TAC4: variants seen among roughly 807,000 people sequenced by gnomAD.
TAC4 encodes tachykinin precursor 4.
Under a neutral mutation model 17.7 loss-of-function variants are expected in TAC4, and 17 were observed. The observed-to-expected ratio is 0.96, with a 90% CI of 0.66 to 1.44. The LOEUF is 1.44. Ranked by LOEUF, TAC4 falls within the 40% of genes most tolerant of loss-of-function variation. The pLI is 0.00. For synonymous variants in TAC4, 62 were observed against 52.4 expected (o/e 1.18, Z -0.79); for missense variants, 118 against 125.6 (o/e 0.94, Z 0.29).
At position 49,844,072 on chromosome 17, in the gene TAC4, C is replaced by A. The variant is rs201147441; in HGVS notation, c.191G>T (p.Arg64Leu). 2 of 1,613,842 alleles carry A rather than the reference C, an allele frequency of 1.2e-6. No individual in the cohort carries two copies. Among genetic ancestry groups the A allele is most frequent in the East Asian group, 2.2e-5 (1 of 44,864 alleles). ...TTGTCATTGTCACTCACCTCCCACT[C>A]GCTTCCCCATCAGCCCAAAGAACTG... is the stretch of plus-strand genomic sequence containing the variant. ...ASQFFGLMGK[R>L]VGGRPLIQPR... The change falls in exon 2 of 5, where the codon CGA becomes CTA. Residue 64 changes from arginine to leucine, a missense_variant. By Grantham distance (102) the Arg-to-Leu change is moderately radical (BLOSUM62 -2). Coordinates refer to ENST00000436235, the MANE Select transcript of TAC4 (RefSeq NM_001077506.2).
rs1312404945 is a variant in TAC4 at position 49,847,914 on chromosome 17, C to T, written c.104G>A (p.Trp35Ter). 1 of 1,614,022 alleles carries T rather than the reference C, an allele frequency of 6.2e-7. No individual in the cohort carries two copies. Among genetic ancestry groups the T allele is most frequent in the South Asian group, 1.1e-5 (1 of 91,068 alleles). Residue 35 changes from tryptophan to a stop codon, truncating the protein, a stop_gained and splice_region_variant, in exon 1 of 5, where the codon TGG (tryptophan) becomes TAG (stop). Transcript: ENST00000436235. LOFTEE classifies it high-confidence loss of function. ...EQTLSTEAET[W>*]EGAGPSIQLQ... ...AAGTACCTCCAAGGCCACAATTACC[C>T]AGGTCTCTGCTTCAGTGCTGAGTGT...
intron 3 of TAC4, 77 bp from the exon 4 acceptor site, chr17:49,839,986 G>C: frequency 6.8e-7 from 1 of 1,465,648 alleles, no homozygotes; most frequent in Non-Finnish European, 9.5e-7. Flanking sequence ...GAAGGACAAA[G>C]GACAGGGCCA....
intron 1 of TAC4, among the ~76,000 whole-genome samples, chr17:49,846,749 G>A (rs1032980755): frequency 6.6e-6 from 1 of 152,170 alleles, no homozygotes; most frequent in Non-Finnish European, 1.5e-5. Context: ...GGTGCTTTTG[G>A]GAAACAGTCC....
At chr17:49,839,699 T>G in intron 4 of TAC4, 151 bp downstream of exon 4, 2 of 656,686 alleles carry the variant, frequency 3.0e-6, no homozygotes, top group Non-Finnish European at 5.1e-6. Flanking sequence ...ACCACCTCCT[T>G]GCACTCGACT....
intron 1 of TAC4, chr17:49,846,899 C>T (rs2074544834): frequency 3.3e-6 from 4 of 1,224,736 alleles, no homozygotes; most frequent in South Asian, 2.7e-5. Context: ...GGAGAAAAGC[C>T]TTGGGGGGTC....
chr17:49,847,513 C>A, intron 1 of TAC4: 1 of 349,018 alleles, frequency 2.9e-6, no homozygotes, highest in Non-Finnish European at 5.5e-6. Context: ...CAACCTTGGA[C>A]AAACTACTTG....
chr17:49,839,281 C>T (rs1179722807), intron 4 of TAC4, among the ~76,000 whole-genome samples: 1 of 152,180 alleles, frequency 6.6e-6, no homozygotes. Context: ...TGCCCGCTCA[C>T]TTGAGCTGTG....
Position 49,838,471 on chromosome 17 carries a change from C to A in TAC4, c.*171G>T. On this transcript the variant is annotated 3_prime_UTR_variant, in exon 5 of 5. Coordinates refer to ENST00000436235, the MANE Select transcript of TAC4 (RefSeq NM_001077506.2). ...GCATTTATGCAGGACTGCTGCTTGA[C>A]ACTGAGAGTCCAGGAAGAAGCCCAG... 1.3e-6 allele frequency: 1 copy of A among 761,966 alleles called. No individual in the cohort carries two copies. Among genetic ancestry groups the A allele is most frequent in the Non-Finnish European group, 2.3e-6 (1 of 442,764 alleles). 47.2% of individuals were successfully genotyped at this position (761,966 alleles called of 1,614,324 possible). A position where few individuals can be genotyped will look rare whatever the true frequency, so the allele number is the denominator to read the frequency against.
At chr17:49,841,977 C>T (rs2074501926) in intron 2 of TAC4, among the ~76,000 whole-genome samples, 1 of 143,294 alleles carries the variant, frequency 7.0e-6, no homozygotes, top group Non-Finnish European at 1.5e-5. Flanking sequence ...GATCTCGGCT[C>T]ACTGCAAGCT....
intron 1 of TAC4, chr17:49,847,434 C>G: frequency 2.2e-6 from 1 of 446,666 alleles, no homozygotes; most frequent in South Asian, 2.0e-5. Context: ...TCTGGAAAAG[C>G]TCCTCAGATG....
At chr17:49,841,466 C>T (rs1238286064) in intron 3 of TAC4, 86 bp downstream of exon 3, 3 of 1,408,738 alleles carry the variant, frequency 2.1e-6, no homozygotes, top group African/African-American at 3.0e-5. Context: ...CAGAGCATCT[C>T]CCCTCACCCA....
intron 2 of TAC4, among the ~76,000 whole-genome samples, chr17:49,841,876 G>A (rs1335954477): frequency 6.6e-6 from 1 of 151,620 alleles, no homozygotes; most frequent in Non-Finnish European, 1.5e-5. Flanking sequence ...TTGTGATAAG[G>A]GGGATATTAT....
At chr17:49,844,912 G>A (rs537248517) in intron 1 of TAC4, among the ~76,000 whole-genome samples, 4 of 152,148 alleles carry the variant, frequency 2.6e-5, no homozygotes, top group Non-Finnish European at 4.4e-5. Context: ...ATTTCCCCCG[G>A]CCCCTGCATT....
chr17:49,839,257 G>A (rs1309337545), intron 4 of TAC4, among the ~76,000 whole-genome samples: 1 of 152,182 alleles, frequency 6.6e-6, no homozygotes, highest in Non-Finnish European at 1.5e-5. Flanking sequence ...TCTGTGACCT[G>A]CCGGGGCGCC....
intron 4 of TAC4, among the ~76,000 whole-genome samples, chr17:49,839,210 A>T (rs2074478974): frequency 6.6e-6 from 1 of 152,072 alleles, no homozygotes; most frequent in African/African-American, 2.4e-5. Flanking sequence ...CCGGTGGAAG[A>T]GGTTAGGCAC....
At chr17:49,847,271 G>T in intron 1 of TAC4, 2 of 1,283,874 alleles carry the variant, frequency 1.6e-6, no homozygotes, top group Non-Finnish European at 2.0e-6. Context: ...GTTGGTATCT[G>T]TCCCTTGTCT....
At chr17:49,838,731 AC>A (rs1333717004) in intron 4 of TAC4, 58 bp from the exon 5 acceptor site, 1 of 1,585,592 alleles carries the variant, frequency 6.3e-7, no homozygotes, top group Non-Finnish European at 8.6e-7. Flanking sequence ...TGGCTCCTCC[AC>A]CCTTAGAAGT....
intron 1 of TAC4, among the ~76,000 whole-genome samples, chr17:49,845,317 C>G (rs1021815685): frequency 1.3e-5 from 2 of 152,250 alleles, no homozygotes; most frequent in South Asian, 4.1e-4. Context: ...CATTCTCATT[C>G]TTCCATTAGC....
At position 49,847,867 on chromosome 17, in the gene TAC4, C is replaced by G. The variant is rs376825681; in HGVS notation, c.105+46G>C. On this transcript the variant is annotated intron_variant, in intron 1 of 4. Coordinates refer to ENST00000436235, the MANE Select transcript of TAC4 (RefSeq NM_001077506.2). ...CTCTGCACTGCCGATTATCCCCTGCCCTCGTCAGAGCCTCTCCCCAAAAGT... is the reference window on the plus strand; with the variant it reads ...CTCTGCACTGCCGATTATCCCCTGCGCTCGTCAGAGCCTCTCCCCAAAAGT... 32 of 1,613,354 alleles carry G rather than the reference C, an allele frequency of 2.0e-5. No individual in the cohort carries two copies. In the African/African-American group the frequency reaches 3.7e-4, roughly 19 times the overall value.
Sources: gnomAD v4.1 joint callset for allele counts (sites outside exome capture counted in the v4.1 genomes callset) on GRCh38, gnomAD v4.1.1 for gene constraint, MANE v1.5 for transcripts, NCBI Gene and HGNC (gene_info 2026-07-23, HGNC 2026-07-21) for gene names.